The following PLCG2 variants were observed in gnomAD, a reference collection of about 807,000 sequenced individuals.
PLCG2 encodes phospholipase C gamma 2, also known as 1-phosphatidylinositol 4,5-bisphosphate phosphodiesterase gamma-2.
Under a neutral mutation model 175.6 loss-of-function variants are expected in PLCG2, and 69 were observed. The observed-to-expected ratio is 0.39, with a 90% CI of 0.32 to 0.48. The LOEUF (loss-of-function observed/expected upper bound fraction) is 0.48. Among genes scored for constraint, PLCG2 ranks in the 20% least tolerant of loss-of-function variants. The pLI is 0.91. For synonymous variants in PLCG2, 827 were observed against 624.0 expected (o/e 1.33, Z -4.85); for missense variants, 1,798 against 1,650.9 (o/e 1.09, Z -1.54).
At chr16:81,742,253 C>G (rs1948257520) in intron 1 of PLCG2, among the ~76,000 whole-genome samples, 1 of 152,030 alleles carries the variant, frequency 6.6e-6, no homozygotes, top group African/African-American at 2.4e-5. Context: ...ACATAGTACC[C>G]CTGGAAAATA....
At chr16:81,828,769 A>T (rs181317125) in intron 2 of PLCG2, among the ~76,000 whole-genome samples, 4 of 152,290 alleles carry the variant, frequency 2.6e-5, no homozygotes, top group African/African-American at 9.6e-5. Context: ...ACAATGTGGC[A>T]TTTTCCTGAG....
chr16:81,955,668 C>T (rs111861589), intron 31 of PLCG2, among the ~76,000 whole-genome samples: 2,072 of 152,280 alleles, frequency 0.014, 21 homozygotes, highest in South Asian at 0.028. Flanking sequence ...TCAATAGCAA[C>T]GTGGCCATGA....
chr16:81,819,567 C>T (rs1904704368), intron 2 of PLCG2, among the ~76,000 whole-genome samples: 2 of 152,158 alleles, frequency 1.3e-5, no homozygotes, highest in Admixed American at 1.3e-4. Flanking sequence ...TATCCCAGCT[C>T]AGTTATTTAT....
intron 2 of PLCG2, among the ~76,000 whole-genome samples, chr16:81,836,087 C>G (rs72832057): frequency 0.025 from 3,880 of 152,250 alleles, 61 homozygotes; most frequent in Middle Eastern, 0.034. Context: ...CAACATTACC[C>G]GTTTATACTT....
At chr16:81,798,122 C>T (rs1038354231) in intron 2 of PLCG2, among the ~76,000 whole-genome samples, 7 of 152,114 alleles carry the variant, frequency 4.6e-5, no homozygotes, top group African/African-American at 4.8e-5. Context: ...TGAGTCACCG[C>T]GCCTGGCCTG....
At position 81,891,397 on chromosome 16, in the gene PLCG2, G is replaced by C. The variant is rs1191243028; in HGVS notation, c.868-75G>C. On this transcript the variant is annotated intron_variant, in intron 10 of 32. Transcript: ENST00000564138. The stretch of plus-strand genomic sequence containing the variant: ...CAGAGCTGTTCTTCCCCCCTGGTGG[G>C]CGCAGACCAGAAACAAGCAGACACC... 4 of 863,208 alleles carry C rather than the reference G, an allele frequency of 4.6e-6. No individual in the cohort carries two copies. In the Admixed American group the frequency reaches 6.8e-5, roughly 15 times the overall value. 53.5% of individuals were successfully genotyped at this position (863,208 alleles called of 1,614,324 possible).
chr16:81,923,418 G>A, intron 21 of PLCG2, 67 bp from the exon 22 acceptor site: 1 of 925,076 alleles, frequency 1.1e-6, no homozygotes. Flanking sequence ...ATGGTACCTG[G>A]GAACGCAGCC....
chr16:81,895,575 GAAAA>G (rs71727409), intron 12 of PLCG2: 15 of 440,712 alleles, frequency 3.4e-5, no homozygotes, highest in African/African-American at 3.0e-4. Context: ...AAAAAAAAAT[GAAAA>G]AAAAAGCAGC....
At chr16:81,802,479 C>G (rs922107266) in intron 2 of PLCG2, among the ~76,000 whole-genome samples, 1 of 152,034 alleles carries the variant, frequency 6.6e-6, no homozygotes, top group Non-Finnish European at 1.5e-5. Context: ...CCAGTAGATG[C>G]TTAGTAGATA....
intron 2 of PLCG2, among the ~76,000 whole-genome samples, chr16:81,761,768 A>G (rs1400553403): frequency 6.6e-6 from 1 of 152,054 alleles, no homozygotes; most frequent in Non-Finnish European, 1.5e-5. Context: ...ACATACAGAA[A>G]AGTAAAAAGG....
intron 30 of PLCG2, among the ~76,000 whole-genome samples, chr16:81,943,831 C>A (rs992951265): frequency 6.6e-6 from 1 of 152,246 alleles, no homozygotes; most frequent in Non-Finnish European, 1.5e-5. Context: ...TCAATGAGAG[C>A]AATGTCCCCA....
At chr16:81,750,465 T>C (rs1597302356) in intron 1 of PLCG2, among the ~76,000 whole-genome samples, 1 of 151,136 alleles carries the variant, frequency 6.6e-6, no homozygotes, top group Non-Finnish European at 1.5e-5. Flanking sequence ...ATCCCACTTC[T>C]GGATATTTAC....
chr16:81,925,934 C>A (rs1179127415), intron 22 of PLCG2, among the ~76,000 whole-genome samples: 1 of 150,772 alleles, frequency 6.6e-6, no homozygotes, highest in South Asian at 2.1e-4. Context: ...GAGGGGAAGA[C>A]AGATGTATAA....
At chr16:81,929,484 C>T (rs1910412426) in intron 24 of PLCG2, among the ~76,000 whole-genome samples, 1 of 152,220 alleles carries the variant, frequency 6.6e-6, no homozygotes, top group Non-Finnish European at 1.5e-5. Flanking sequence ...CAACCTCTGC[C>T]TCCTGGATTC....
Position 81,920,539 on chromosome 16 carries a change from A to T in PLCG2, c.2236-659A>T, listed in dbSNP as rs1413517964. 2.0e-5 allele frequency among the ~76,000 whole-genome samples: 3 copies of T among 152,208 alleles called. No individual in the cohort carries two copies. The East Asian group carries it at 5.8e-4, about 29-fold the overall frequency. ...GGAGATCAGAGAAGGCCACCTTAAA[A>T]GGGGAGAAATGTGAGCCGAAACATG... On this transcript the variant is annotated intron_variant, in intron 20 of 32. Transcript: ENST00000564138.
At position 81,816,651 on chromosome 16, in the gene PLCG2, A is replaced by ATT. The variant is rs71146047; in HGVS notation, c.193+30498_193+30499dup. On this transcript the variant is annotated intron_variant, in intron 2 of 32. Coordinates refer to ENST00000564138, the MANE Select transcript of PLCG2 (RefSeq NM_002661.5). ...GCACCACCATGCCCAGCTAATTTTA[A>ATT]TTTTTTTTTTTTTTTTTTTTTTTTT... is the stretch of plus-strand genomic sequence containing the variant. Among the ~76,000 whole-genome samples, 20 of 108,844 alleles carry ATT rather than the reference A, an allele frequency of 1.8e-4. 1 individual carries two copies. Among genetic ancestry groups the ATT allele is most frequent in the South Asian group, 9.3e-4 (3 of 3,230 alleles). 71.4% of individuals were successfully genotyped at this position (108,844 alleles called of 152,430 possible).
upstream of PLCG2, among the ~76,000 whole-genome samples, chr16:81,778,024 A>AAAC (rs1910491647): frequency 1.7e-5 from 1 of 59,318 alleles, no homozygotes; most frequent in Non-Finnish European, 3.4e-5. Context: ...CTCAAAAAAA[A>AAAC]AAAAAAACAA....
intron 2 of PLCG2, among the ~76,000 whole-genome samples, chr16:81,812,079 T>C (rs1336781057): frequency 7.2e-6 from 1 of 139,476 alleles, no homozygotes; most frequent in Non-Finnish European, 1.6e-5. Context: ...AGACGGAGTC[T>C]TGCTCTTTTG....
chr16:81,865,758 G>C (rs552029347), intron 5 of PLCG2, among the ~76,000 whole-genome samples: 62 of 126,444 alleles, frequency 4.9e-4, no homozygotes, highest in African/African-American at 1.8e-3. Flanking sequence ...GGGCAGCAGC[G>C]TGAGAGGACG....
Sources: allele counts gnomAD v4.1 joint callset (sites outside exome capture counted in the v4.1 genomes callset), GRCh38; gene constraint gnomAD v4.1.1; transcripts MANE v1.5; gene names NCBI Gene and HGNC (gene_info 2026-07-23, HGNC 2026-07-21).